ADAMTSL1: variants seen among roughly 807,000 people sequenced by gnomAD.
ADAMTSL1 encodes ADAMTS-like protein 1.
In ADAMTSL1, 126 loss-of-function variants were observed where a neutral mutation model predicts 201.8. The ratio of observed to expected loss-of-function variants is 0.62; its 90% confidence interval spans 0.54 to 0.72. The LOEUF (loss-of-function observed/expected upper bound fraction) is 0.72. Among genes scored for constraint, ADAMTSL1 ranks in the 30% least tolerant of loss-of-function variants. ADAMTSL1 has a pLI of 0.00. For synonymous variants in ADAMTSL1, 1,121 were observed against 903.4 expected (o/e 1.24, Z -4.32); for missense variants, 2,679 against 2,277.8 (o/e 1.18, Z -3.59).
At chr9:18,286,453 A>C (rs574524216) in intron 2 of ADAMTSL1, among the ~76,000 whole-genome samples, 1 of 152,244 alleles carries the variant, frequency 6.6e-6, no homozygotes, top group Admixed American at 6.5e-5. Flanking sequence ...TCCTGTTTGA[A>C]AATTAGAGGG....
intron 22 of ADAMTSL1, among the ~76,000 whole-genome samples, chr9:18,828,696 A>ATATATATATATATATATATATATT (rs1384860090): frequency 2.0e-4 from 18 of 91,042 alleles, no homozygotes; most frequent in Non-Finnish European, 3.1e-4. Context: ...ATATATATAA[A>ATATATATATATATATATATATATT]ATGTGTGTGT....
intron 4 of ADAMTSL1, among the ~76,000 whole-genome samples, chr9:18,586,677 A>G (rs369750665): frequency 6.6e-6 from 1 of 152,164 alleles, no homozygotes; most frequent in Non-Finnish European, 1.5e-5. Context: ...AATGCATCAC[A>G]TTACCTGACT....
intron 3 of ADAMTSL1, among the ~76,000 whole-genome samples, chr9:18,554,137 A>T (rs532093320): frequency 6.6e-6 from 1 of 151,486 alleles, no homozygotes; most frequent in Non-Finnish European, 1.5e-5. Flanking sequence ...TTATAAAAAC[A>T]TTTATATCTG....
chr9:18,043,925 C>G (rs536339456), intron 1 of ADAMTSL1, among the ~76,000 whole-genome samples: 1 of 149,036 alleles, frequency 6.7e-6, no homozygotes, highest in South Asian at 2.2e-4. Flanking sequence ...TTTTTTGGTC[C>G]CTTGTAAAAT....
chr9:18,849,361 G>A (rs1200779663), intron 23 of ADAMTSL1, among the ~76,000 whole-genome samples: 2 of 152,098 alleles, frequency 1.3e-5, no homozygotes, highest in East Asian at 3.9e-4. Context: ...CCTGGATCGG[G>A]CACTTCCTGG....
chr9:17,970,881 TG>T (rs1818180597), intron 1 of ADAMTSL1, among the ~76,000 whole-genome samples: 2 of 152,100 alleles, frequency 1.3e-5, no homozygotes, highest in African/African-American at 4.8e-5. Context: ...TCAAGTTTAA[TG>T]TGTCTAGCAC....
chr9:18,023,015 A>AT (rs1322010365), intron 1 of ADAMTSL1, among the ~76,000 whole-genome samples: 6 of 151,780 alleles, frequency 4.0e-5, no homozygotes, highest in South Asian at 2.1e-4. Context: ...GCCCTTAAAC[A>AT]TTTTTTGTGT....
At chr9:18,714,131 C>T (rs1231913500) in intron 14 of ADAMTSL1, among the ~76,000 whole-genome samples, 1 of 152,078 alleles carries the variant, frequency 6.6e-6, no homozygotes, top group African/African-American at 2.4e-5. Flanking sequence ...GCACTAAATG[C>T]CCACAAGAGA....
At chr9:18,538,341 G>A (rs1160339458) in intron 3 of ADAMTSL1, among the ~76,000 whole-genome samples, 1 of 152,030 alleles carries the variant, frequency 6.6e-6, no homozygotes, top group Non-Finnish European at 1.5e-5. Context: ...CAAAGGCCGC[G>A]GCATTATAGC....
chr9:18,611,344 A>C (rs1328792290), intron 4 of ADAMTSL1, among the ~76,000 whole-genome samples: 2 of 152,180 alleles, frequency 1.3e-5, no homozygotes, highest in African/African-American at 4.8e-5. Context: ...TTTTGGAAGC[A>C]GGGGAGGGAG....
intron 1 of ADAMTSL1, among the ~76,000 whole-genome samples, chr9:17,922,936 C>G (rs149632823): frequency 2.2e-4 from 34 of 152,320 alleles, no homozygotes; most frequent in African/African-American, 7.0e-4. Flanking sequence ...AGCCCCAACC[C>G]TTACGCCCCT....
intron 1 of ADAMTSL1, among the ~76,000 whole-genome samples, chr9:18,020,252 G>A (rs1820425871): frequency 6.6e-6 from 1 of 152,006 alleles, no homozygotes; most frequent in African/African-American, 2.4e-5. Context: ...CCATCTACTG[G>A]CATCATTCTC....
chr9:18,747,627 T>C (rs1310484792), intron 15 of ADAMTSL1, among the ~76,000 whole-genome samples: 1 of 152,182 alleles, frequency 6.6e-6, no homozygotes, highest in Non-Finnish European at 1.5e-5. Flanking sequence ...ACAGGAATAA[T>C]GCATTTAAAG....
At chr9:18,394,194 C>T (rs1817653274) in intron 2 of ADAMTSL1, among the ~76,000 whole-genome samples, 1 of 152,026 alleles carries the variant, frequency 6.6e-6, no homozygotes, top group Non-Finnish European at 1.5e-5. Context: ...AGCTGAGAAA[C>T]AATTGAATAG....
At chr9:18,884,619 A>G (rs1033992686) in intron 23 of ADAMTSL1, among the ~76,000 whole-genome samples, 1 of 152,104 alleles carries the variant, frequency 6.6e-6, no homozygotes, top group Non-Finnish European at 1.5e-5. Context: ...TCACATATGG[A>G]TATCCATTTT....
rs112835828 is a variant in ADAMTSL1, at chr9:18,457,360, G to A, written c.208-47469G>A. ...TTCTTTTTTTGTTTTTAGAAACAGG[G>A]TCTCACTGTCTCCCAGACTGGAATG... On this transcript the variant is annotated intron_variant, in intron 2 of 29. Transcript: ENST00000680146. Among the ~76,000 whole-genome samples, 228 of 152,204 alleles carry A rather than the reference G, an allele frequency of 1.5e-3. 1 individual carries two copies. Among genetic ancestry groups the A allele is most frequent in the African/African-American group, 5.2e-3 (217 of 41,534 alleles).
At chr9:18,456,938 A>G (rs138902464) in intron 2 of ADAMTSL1, among the ~76,000 whole-genome samples, 28 of 152,352 alleles carry the variant, frequency 1.8e-4, no homozygotes, top group African/African-American at 5.8e-4. Context: ...GAAGCACCAC[A>G]GAATCAGAGA....
intron 11 of ADAMTSL1, chr9:18,680,978 A>T (rs1268226594): frequency 2.0e-5 from 3 of 153,348 alleles, no homozygotes; most frequent in African/African-American, 7.2e-5. Context: ...AAATGAAAAT[A>T]GCACAAAAAT....
intron 2 of ADAMTSL1, among the ~76,000 whole-genome samples, chr9:18,320,420 C>A (rs545595011): frequency 1.3e-3 from 197 of 152,252 alleles, no homozygotes; most frequent in African/African-American, 4.6e-3. Flanking sequence ...ACAAAAACAT[C>A]CTTCATAAAT....
Sources: allele counts gnomAD v4.1 joint callset (sites outside exome capture counted in the v4.1 genomes callset), GRCh38; gene constraint gnomAD v4.1.1; transcripts MANE v1.5; gene names NCBI Gene and HGNC (gene_info 2026-07-23, HGNC 2026-07-21).